Variants in RBFOX1 observed in about 807,000 individuals in gnomAD.
The protein encoded by RBFOX1 is RNA binding fox-1 homolog 1.
RBFOX1 carries 8 observed loss-of-function variants against 57.7 expected under a neutral mutation model. That is an observed-to-expected ratio of 0.14 (90% confidence interval 0.08 to 0.25). The LOEUF (loss-of-function observed/expected upper bound fraction) is 0.25, where lower values mean the gene tolerates loss of function less well. RBFOX1 is among the 10% of genes least tolerant of loss of function. The pLI is 1.00. For missense variants in RBFOX1, 611 were observed against 548.5 expected (o/e 1.11, Z -1.14); for synonymous variants, 326 against 222.4 (o/e 1.47, Z -4.15).
intron 2 of RBFOX1, among the ~76,000 whole-genome samples, chr16:6,562,320 A>C (rs77674116): frequency 6.6e-6 from 1 of 152,238 alleles, no homozygotes; most frequent in South Asian, 2.1e-4. Context: ...CATTGTACAG[A>C]TAAGGCAACA....
chr16:5,697,126 GA>G (rs1449521069), intron 3 of RBFOX1, among the ~76,000 whole-genome samples: 1 of 151,894 alleles, frequency 6.6e-6, no homozygotes, highest in Non-Finnish European at 1.5e-5. Flanking sequence ...TATAATTTTG[GA>G]TTGTTTATTT....
chr16:6,963,287 C>A (rs1005972225), intron 3 of RBFOX1, among the ~76,000 whole-genome samples: 17 of 148,882 alleles, frequency 1.1e-4, no homozygotes, highest in African/African-American at 4.2e-4. Context: ...TCAACAGTGA[C>A]TTTTTTTTTT....
intron 3 of RBFOX1, among the ~76,000 whole-genome samples, chr16:6,813,113 AAAG>A (rs2089174664): frequency 6.6e-6 from 1 of 152,238 alleles, no homozygotes; most frequent in African/African-American, 2.4e-5. Context: ...TTAAAAAAAA[AAAG>A]TGCAACCTAA....
chr16:6,902,698 G>T (rs913919164), intron 3 of RBFOX1, among the ~76,000 whole-genome samples: 1 of 152,128 alleles, frequency 6.6e-6, no homozygotes, highest in African/African-American at 2.4e-5. Flanking sequence ...CTCCGGTCAG[G>T]GTGACAAGTC....
intron 1 of RBFOX1, among the ~76,000 whole-genome samples, chr16:6,140,850 T>A (rs1408016822): frequency 6.6e-6 from 1 of 152,214 alleles, no homozygotes; most frequent in East Asian, 1.9e-4. Context: ...TGGTTTCTTA[T>A]CTCTGGTCAC....
chr16:5,852,870 A>C (rs1389173758), intron 3 of RBFOX1, among the ~76,000 whole-genome samples: 1 of 151,908 alleles, frequency 6.6e-6, no homozygotes, highest in Non-Finnish European at 1.5e-5. Flanking sequence ...GTGGAGGATC[A>C]CCTTTCCCCT....
chr16:7,024,201 A>G (rs754859081), intron 3 of RBFOX1, among the ~76,000 whole-genome samples: 26 of 152,150 alleles, frequency 1.7e-4, no homozygotes, highest in Non-Finnish European at 3.5e-4. Context: ...AGCATTTACA[A>G]ATTGCACCTT....
chr16:5,430,335 C>T (rs188036015), intron 1 of RBFOX1, among the ~76,000 whole-genome samples: 1 of 152,140 alleles, frequency 6.6e-6, no homozygotes, highest in Non-Finnish European at 1.5e-5. Context: ...TGGGAACAGG[C>T]CAGTAGGAGA....
intron 2 of RBFOX1, among the ~76,000 whole-genome samples, chr16:5,577,351 A>T (rs2046495173): frequency 6.6e-6 from 1 of 152,154 alleles, no homozygotes; most frequent in Non-Finnish European, 1.5e-5. Context: ...AGGGAGGCAT[A>T]GACCTGTTGG....
At chr16:7,084,964 G>C (rs1236593028) in intron 4 of RBFOX1, among the ~76,000 whole-genome samples, 1 of 151,930 alleles carries the variant, frequency 6.6e-6, no homozygotes, top group East Asian at 1.9e-4. Flanking sequence ...CTATGTATCT[G>C]TCTGTCTGTC....
At chr16:6,775,427 A>G (rs2079159016) in intron 3 of RBFOX1, among the ~76,000 whole-genome samples, 1 of 151,856 alleles carries the variant, frequency 6.6e-6, no homozygotes, top group African/African-American at 2.4e-5. Flanking sequence ...GGTATGAAGA[A>G]AGGATTTTAA....
intron 3 of RBFOX1, among the ~76,000 whole-genome samples, chr16:6,717,023 C>G (rs564223360): frequency 2.0e-5 from 3 of 152,282 alleles, no homozygotes; most frequent in Non-Finnish European, 4.4e-5. Flanking sequence ...TCTCTTTTCT[C>G]TCAACCATGT....
chr16:7,339,730 G>A (rs529295957), intron 4 of RBFOX1, among the ~76,000 whole-genome samples: 1 of 152,310 alleles, frequency 6.6e-6, no homozygotes, highest in African/African-American at 2.4e-5. Flanking sequence ...GCAAGCCACT[G>A]TGCCTGGCCA....
intron 2 of RBFOX1, among the ~76,000 whole-genome samples, chr16:6,453,300 C>A (rs1264668874): frequency 6.6e-6 from 1 of 152,062 alleles, no homozygotes; most frequent in African/African-American, 2.4e-5. Flanking sequence ...GTGTGATGTT[C>A]CCCTTCCTGT....
At chr16:7,579,976 C>G (rs1433930940) in intron 6 of RBFOX1, 56 bp downstream of exon 6, 1 of 1,573,590 alleles carries the variant, frequency 6.4e-7, no homozygotes, top group Non-Finnish European at 8.7e-7. Context: ...AGAGACCTCC[C>G]TGTCTCATGT....
chr16:6,844,808 G>A (rs1370879595), intron 3 of RBFOX1, among the ~76,000 whole-genome samples: 1 of 152,148 alleles, frequency 6.6e-6, no homozygotes, highest in African/African-American at 2.4e-5. Context: ...CTCCAACAGT[G>A]TAAAAATGTT....
intron 4 of RBFOX1, among the ~76,000 whole-genome samples, chr16:7,144,417 CTTT>C (rs1190886141): frequency 1.2e-4 from 8 of 66,924 alleles, no homozygotes; most frequent in Admixed American, 2.3e-4. Context: ...TTTCTTTCTT[CTTT>C]TTTTTTTTTT....
intron 4 of RBFOX1, among the ~76,000 whole-genome samples, chr16:7,333,262 A>G (rs547660331): frequency 6.6e-6 from 1 of 152,332 alleles, no homozygotes; most frequent in Non-Finnish European, 1.5e-5. Context: ...AGCTATCGAC[A>G]TCTCTCATGG....
At chr16:5,249,392 G>T (rs901599189) in intron 1 of RBFOX1, among the ~76,000 whole-genome samples, 1 of 152,214 alleles carries the variant, frequency 6.6e-6, no homozygotes, top group Non-Finnish European at 1.5e-5. Flanking sequence ...AGTCTCTGGG[G>T]AGGAAGACTC....
Sources: gnomAD v4.1 joint callset for allele counts (sites outside exome capture counted in the v4.1 genomes callset) on GRCh38, gnomAD v4.1.1 for gene constraint, MANE v1.5 for transcripts, NCBI Gene and HGNC (gene_info 2026-07-23, HGNC 2026-07-21) for gene names.